GPR158: variants seen among roughly 807,000 people sequenced by gnomAD.
The protein encoded by GPR158 is metabotropic glycine receptor.
A neutral mutation model predicts 78.2 loss-of-function variants in GPR158; 30 were observed. That is an observed-to-expected ratio of 0.38 (90% CI 0.29 to 0.52). GPR158 has a LOEUF of 0.52. Ranked by LOEUF, GPR158 falls within the 20% of genes least tolerant of loss-of-function variation. The probability of loss-of-function intolerance (pLI) is 0.83; values close to 1 mark genes in which losing one functional copy is unlikely to be tolerated. For synonymous variants in GPR158, 581 were observed against 591.1 expected, an observed-to-expected ratio of 0.98 and a Z score of 0.25; for missense variants, 1,463 against 1,523.5, an observed-to-expected ratio of 0.96 and a Z score of 0.66.
At chr10:25,434,826 C>T (rs1038414213) in intron 4 of GPR158, among the ~76,000 whole-genome samples, 5 of 152,066 alleles carry the variant, frequency 3.3e-5, no homozygotes, top group Non-Finnish European at 7.4e-5. Context: ...AATAATAAAC[C>T]TAGTCTCCTA....
intron 2 of GPR158, among the ~76,000 whole-genome samples, chr10:25,313,832 T>C (rs1166251106): frequency 6.6e-6 from 1 of 152,206 alleles, no homozygotes; most frequent in African/African-American, 2.4e-5. Flanking sequence ...CACTTTATTG[T>C]TATACTTGCT....
chr10:25,358,360 T>C (rs824152), intron 2 of GPR158, among the ~76,000 whole-genome samples: 124,334 of 151,864 alleles, frequency 0.82, 51,953 homozygotes, highest in Non-Finnish European at 0.88. Flanking sequence ...TGGGAGAGGC[T>C]GGGGTGAAAT....
chr10:25,461,051 C>T (rs1835353261), intron 4 of GPR158, among the ~76,000 whole-genome samples: 1 of 152,276 alleles, frequency 6.6e-6, no homozygotes, highest in Non-Finnish European at 1.5e-5. Context: ...CACCAACTAG[C>T]AATTCCTCCA....
At chr10:25,588,132 T>G (rs1026170288) in intron 7 of GPR158, among the ~76,000 whole-genome samples, 4 of 152,230 alleles carry the variant, frequency 2.6e-5, no homozygotes, top group Non-Finnish European at 4.4e-5. Context: ...ATTTAACAAT[T>G]ACTATGTGTC....
At chr10:25,314,653 T>C (rs115120877) in intron 2 of GPR158, among the ~76,000 whole-genome samples, 1 of 151,394 alleles carries the variant, frequency 6.6e-6, no homozygotes, top group Non-Finnish European at 1.5e-5. Context: ...TGTTGTTTTT[T>C]TTTTAGCTTT....
At chr10:25,315,206 A>C (rs753401491) in intron 2 of GPR158, among the ~76,000 whole-genome samples, 1 of 152,100 alleles carries the variant, frequency 6.6e-6, no homozygotes, top group African/African-American at 2.4e-5. Context: ...CTCTTACTGA[A>C]AGTGATGTGT....
chr10:25,338,810 G>C (rs1001517096), intron 2 of GPR158, among the ~76,000 whole-genome samples: 2 of 150,824 alleles, frequency 1.3e-5, no homozygotes, highest in Non-Finnish European at 1.5e-5. Context: ...AAATAAGCCT[G>C]CTGGAATTTT....
intron 5 of GPR158, among the ~76,000 whole-genome samples, chr10:25,532,505 T>C (rs1391175301): frequency 6.6e-6 from 1 of 152,150 alleles, no homozygotes; most frequent in Non-Finnish European, 1.5e-5. Flanking sequence ...AGGTCTGGAG[T>C]TCTTAAGATT....
intron 1 of GPR158, among the ~76,000 whole-genome samples, chr10:25,208,213 A>G (rs1426552359): frequency 6.6e-6 from 1 of 152,216 alleles, no homozygotes; most frequent in African/African-American, 2.4e-5. Context: ...ACATTTTAAT[A>G]TGCCAATAAT....
intron 5 of GPR158, among the ~76,000 whole-genome samples, chr10:25,481,074 T>C (rs1020196134): frequency 6.6e-6 from 1 of 151,900 alleles, no homozygotes; most frequent in Non-Finnish European, 1.5e-5. Context: ...ACAGAAGCGG[T>C]TTATTACTTA....
intron 5 of GPR158, among the ~76,000 whole-genome samples, chr10:25,530,765 G>A (rs996005634): frequency 2.0e-5 from 3 of 152,194 alleles, no homozygotes; most frequent in African/African-American, 7.2e-5. Context: ...GTCAAGGATC[G>A]TTTAACTCCT....
At chr10:25,439,744 G>A (rs955580069) in intron 4 of GPR158, among the ~76,000 whole-genome samples, 2 of 152,138 alleles carry the variant, frequency 1.3e-5, no homozygotes, top group Non-Finnish European at 2.9e-5. Context: ...CTTGAAACAT[G>A]TGGAAAGCTT....
intron 1 of GPR158, among the ~76,000 whole-genome samples, chr10:25,180,278 T>C (rs1852597365): frequency 6.6e-6 from 1 of 152,218 alleles, no homozygotes; most frequent in Non-Finnish European, 1.5e-5. Context: ...AGATACTTTA[T>C]ATATTTCAGT....
intron 2 of GPR158, among the ~76,000 whole-genome samples, chr10:25,277,584 A>G (rs1387806565): frequency 6.6e-6 from 1 of 152,136 alleles, no homozygotes; most frequent in African/African-American, 2.4e-5. Context: ...AACGAAGGAC[A>G]TAACCAAGTG....
chr10:25,335,076 C>T (rs1855178897), intron 2 of GPR158, among the ~76,000 whole-genome samples: 1 of 151,812 alleles, frequency 6.6e-6, no homozygotes, highest in African/African-American at 2.4e-5. Context: ...ACTGGGAGAC[C>T]CCATGTGCTA....
At chr10:25,575,380 G>A (rs554285400) in intron 7 of GPR158, among the ~76,000 whole-genome samples, 1 of 152,090 alleles carries the variant, frequency 6.6e-6, no homozygotes, top group Admixed American at 6.5e-5. Context: ...CAAATTCAGG[G>A]GTTTGGGAGT....
chr10:25,395,026 TG>T (rs1170573053), intron 2 of GPR158, among the ~76,000 whole-genome samples: 1 of 152,152 alleles, frequency 6.6e-6, no homozygotes, highest in African/African-American at 2.4e-5. Flanking sequence ...GAAATTTCAG[TG>T]TTGGTTAGAT....
At chr10:25,246,628 G>A (rs1437818702) in intron 2 of GPR158, among the ~76,000 whole-genome samples, 1 of 152,178 alleles carries the variant, frequency 6.6e-6, no homozygotes, top group African/African-American at 2.4e-5. Flanking sequence ...TTCATTGGTG[G>A]TGGGGATAGG....
chr10:25,343,155 T>A (rs944244142), intron 2 of GPR158, among the ~76,000 whole-genome samples: 1 of 151,956 alleles, frequency 6.6e-6, no homozygotes, highest in Non-Finnish European at 1.5e-5. Flanking sequence ...GTATTAGAAA[T>A]GAATGTTGTT....
Sources: allele counts gnomAD v4.1 joint callset (sites outside exome capture counted in the v4.1 genomes callset), GRCh38; gene constraint gnomAD v4.1.1; transcripts MANE v1.5; gene names NCBI Gene and HGNC (gene_info 2026-07-23, HGNC 2026-07-21).